The following TAFA1 variants were observed in gnomAD, a reference collection of about 807,000 sequenced individuals.
The protein encoded by TAFA1 is chemokine-like protein TAFA-1.
Under a neutral mutation model 18.5 loss-of-function variants are expected in TAFA1, and 4 were observed. The ratio of observed to expected loss-of-function variants is 0.22; its 90% confidence interval spans 0.11 to 0.49. The LOEUF is 0.49. TAFA1 is among the 20% of genes least tolerant of loss of function. The probability of loss-of-function intolerance (pLI) is 0.98; values close to 1 mark genes in which losing one functional copy is unlikely to be tolerated. For missense variants in TAFA1, 147 were observed against 169.0 expected (o/e 0.87, Z 0.72); for synonymous variants, 56 against 55.2 (o/e 1.01, Z -0.06).
chr3:68,364,606 A>T (rs2106800774), intron 2 of TAFA1, among the ~76,000 whole-genome samples: 1 of 152,330 alleles, frequency 6.6e-6, no homozygotes, highest in Non-Finnish European at 1.5e-5. Flanking sequence ...AAAATGTATA[A>T]ACATGAAAGT....
chr3:68,016,217 T>A lies in TAFA1; in HGVS notation c.118+9473T>A, dbSNP rs756409639. 3.9e-5 allele frequency among the ~76,000 whole-genome samples: 6 copies of A among 152,338 alleles called. No individual in the cohort carries two copies. In the South Asian group the frequency reaches 1.2e-3, roughly 32 times the overall value. On this transcript the variant is annotated intron_variant, in intron 2 of 4. Transcript: ENST00000478136. The stretch of plus-strand genomic sequence containing the variant: ...TAGACTTTAAGACATTGCTTAATTG[T>A]GGTTCAGAAAATATTTTATCTATAT...
intron 3 of TAFA1, among the ~76,000 whole-genome samples, chr3:68,427,038 T>A (rs896298339): frequency 6.6e-6 from 1 of 151,892 alleles, no homozygotes; most frequent in African/African-American, 2.4e-5. Flanking sequence ...TCTGTCATGA[T>A]GTGTATGTCA....
intron 2 of TAFA1, among the ~76,000 whole-genome samples, chr3:68,260,800 C>T (rs1227769173): frequency 6.6e-6 from 1 of 152,050 alleles, no homozygotes; most frequent in Non-Finnish European, 1.5e-5. Flanking sequence ...CATGTTAGAC[C>T]TAAAACCATA....
chr3:68,204,225 G>A (rs1477207051), intron 2 of TAFA1, among the ~76,000 whole-genome samples: 4 of 151,662 alleles, frequency 2.6e-5, no homozygotes, highest in African/African-American at 7.3e-5. Flanking sequence ...CTTGTTGTTT[G>A]GGTGAAGTGG....
chr3:68,521,575 A>C (rs2073021839), intron 3 of TAFA1, among the ~76,000 whole-genome samples: 1 of 152,156 alleles, frequency 6.6e-6, no homozygotes, highest in African/African-American at 2.4e-5. Flanking sequence ...AAGAAGGAAG[A>C]CTTAAGTTTG....
At chr3:68,040,491 C>G (rs1029672018) in intron 2 of TAFA1, among the ~76,000 whole-genome samples, 2 of 152,106 alleles carry the variant, frequency 1.3e-5, no homozygotes, top group Admixed American at 1.3e-4. Context: ...ACTCTGTGTC[C>G]AAGAAAGTGC....
intron 2 of TAFA1, among the ~76,000 whole-genome samples, chr3:68,125,782 G>A (rs538378879): frequency 1.2e-4 from 19 of 152,120 alleles, no homozygotes; most frequent in Non-Finnish European, 2.4e-4. Flanking sequence ...TGCCTGCCTC[G>A]GGGTTACTTC....
rs758245805 is a variant in TAFA1, at chr3:68,362,333, C to G, written c.119-54947C>G. Among the ~76,000 whole-genome samples the G allele has an allele frequency of 7.9e-5, 12 of 152,192 alleles. 1 individual carries two copies. The South Asian group carries it at 1.5e-3, about 18-fold the overall frequency. On this transcript the variant is annotated intron_variant, in intron 2 of 4. Transcript: ENST00000478136. The stretch of plus-strand genomic sequence containing the variant: ...GGGGATGTCATTATTCACTTTGCTC[C>G]TAGAGACTTGCAAAGCAATAACCAC...
intron 2 of TAFA1, among the ~76,000 whole-genome samples, chr3:68,252,901 A>T (rs965689562): frequency 1.3e-5 from 2 of 152,108 alleles, no homozygotes; most frequent in African/African-American, 4.8e-5. Flanking sequence ...CATGATAGTG[A>T]ATAAGTCTCA....
chr3:68,380,683 G>A, intron 2 of TAFA1, among the ~76,000 whole-genome samples: 1 of 152,008 alleles, frequency 6.6e-6, no homozygotes. Context: ...TTTGTCAGAT[G>A]AGTAGGCTGC....
At chr3:68,296,251 A>C (rs2068205988) in intron 2 of TAFA1, among the ~76,000 whole-genome samples, 1 of 143,626 alleles carries the variant, frequency 7.0e-6, no homozygotes, top group South Asian at 2.6e-4. Context: ...TGTTGTTTTT[A>C]TCTACAGCCT....
chr3:68,086,024 C>T (rs554266864), intron 2 of TAFA1, among the ~76,000 whole-genome samples: 21 of 152,318 alleles, frequency 1.4e-4, no homozygotes, highest in African/African-American at 5.1e-4. Context: ...CCACGATTCT[C>T]CCCTCTGCCC....
At chr3:68,486,175 C>A (rs959830260) in intron 3 of TAFA1, among the ~76,000 whole-genome samples, 3 of 145,844 alleles carry the variant, frequency 2.1e-5, no homozygotes, top group Non-Finnish European at 4.5e-5. Context: ...ATAAGTTGCC[C>A]AGGCTGATCT....
chr3:68,541,253 T>A (rs2073368632), intron 4 of TAFA1, among the ~76,000 whole-genome samples: 1 of 152,104 alleles, frequency 6.6e-6, no homozygotes, highest in Non-Finnish European at 1.5e-5. Context: ...CTGACATACG[T>A]CCTCCCTCCT....
chr3:68,081,657 G>A (rs2064902089), intron 2 of TAFA1, among the ~76,000 whole-genome samples: 1 of 152,148 alleles, frequency 6.6e-6, no homozygotes, highest in South Asian at 2.1e-4. Context: ...ATTTGAGGAG[G>A]CAGTCTGCCC....
intron 2 of TAFA1, among the ~76,000 whole-genome samples, chr3:68,288,283 A>T (rs1263660526): frequency 2.0e-5 from 3 of 152,226 alleles, no homozygotes; most frequent in African/African-American, 7.2e-5. Flanking sequence ...ACATTGCCAT[A>T]GGCGCAAAAA....
chr3:68,397,703 G>A (rs2070411007), intron 2 of TAFA1, among the ~76,000 whole-genome samples: 1 of 152,104 alleles, frequency 6.6e-6, no homozygotes, highest in Non-Finnish European at 1.5e-5. Flanking sequence ...TGGGTGAAAT[G>A]GTATTTCTTG....
intron 2 of TAFA1, among the ~76,000 whole-genome samples, chr3:68,402,002 A>C (rs2070503033): frequency 6.6e-6 from 1 of 152,230 alleles, no homozygotes. Context: ...ACAAACACTT[A>C]TTTTAAAAGT....
At chr3:68,491,230 A>G (rs1175238470) in intron 3 of TAFA1, among the ~76,000 whole-genome samples, 2 of 152,140 alleles carry the variant, frequency 1.3e-5, no homozygotes, top group African/African-American at 4.8e-5. Flanking sequence ...CTGTAAAGAC[A>G]CATGCACACG....
Sources: allele counts gnomAD v4.1 joint callset (sites outside exome capture counted in the v4.1 genomes callset), GRCh38; gene constraint gnomAD v4.1.1; transcripts MANE v1.5; gene names NCBI Gene and HGNC (gene_info 2026-07-23, HGNC 2026-07-21).